The following STXBP5L variants were observed in gnomAD, a reference collection of about 807,000 sequenced individuals.
The protein encoded by STXBP5L is syntaxin binding protein 5L.
In STXBP5L, 65 loss-of-function variants were observed where a neutral mutation model predicts 144.5. The ratio of observed to expected loss-of-function variants is 0.45; its 90% CI spans 0.37 to 0.55. The LOEUF (loss-of-function observed/expected upper bound fraction) is 0.55, where lower values mean the gene tolerates loss of function less well. Ranked by LOEUF, STXBP5L falls within the 20% of genes least tolerant of loss-of-function variation. The pLI is 0.00. For synonymous variants in STXBP5L, 505 were observed against 469.6 expected (o/e 1.08, Z -0.97); for missense variants, 1,298 against 1,405.5 (o/e 0.92, Z 1.22).
At position 120,961,779 on chromosome 3, in the gene STXBP5L, G is replaced by T. The variant is rs541288803; in HGVS notation, c.287+6742G>T. Reference sequence around the variant, plus strand: ...AGTAGTATGATTGATAATCCTTTGGGTCTATACCCAGTAATGGGATGGCTG... The same window carrying T: ...AGTAGTATGATTGATAATCCTTTGGTTCTATACCCAGTAATGGGATGGCTG... On this transcript the variant is annotated intron_variant, in intron 3 of 26. Transcript: ENST00000471454. Among the ~76,000 whole-genome samples, 42 of 152,224 alleles carry T rather than the reference G, an allele frequency of 2.8e-4. No individual in the cohort carries two copies. In the South Asian group the frequency reaches 8.1e-3, roughly 29 times the overall value.
At chr3:121,372,580 G>A (rs554268620) in intron 20 of STXBP5L, among the ~76,000 whole-genome samples, 1 of 152,166 alleles carries the variant, frequency 6.6e-6, no homozygotes, top group Admixed American at 6.5e-5. Flanking sequence ...TTTTGCAGGA[G>A]TCATTGGGGT....
chr3:121,167,344 C>G (rs1452588395), intron 9 of STXBP5L, among the ~76,000 whole-genome samples: 1 of 152,078 alleles, frequency 6.6e-6, no homozygotes, highest in Non-Finnish European at 1.5e-5. Context: ...GGAATCCATC[C>G]TCATATAAAG....
intron 5 of STXBP5L, among the ~76,000 whole-genome samples, chr3:121,087,477 A>G (rs568188877): frequency 1.3e-5 from 2 of 152,138 alleles, no homozygotes; most frequent in East Asian, 3.9e-4. Context: ...TTCATTATCT[A>G]ACATAATATA....
At chr3:121,028,774 G>T (rs1946150761) in intron 3 of STXBP5L, among the ~76,000 whole-genome samples, 2 of 151,928 alleles carry the variant, frequency 1.3e-5, no homozygotes, top group Admixed American at 1.3e-4. Context: ...CTGTTACTTT[G>T]CTTCCTTCAC....
chr3:121,190,941 G>A (rs541494061), intron 9 of STXBP5L, among the ~76,000 whole-genome samples: 5 of 151,706 alleles, frequency 3.3e-5, no homozygotes, highest in African/African-American at 4.8e-5. Context: ...TATCTCAGAC[G>A]GGGCGGCGGG....
chr3:121,251,097 T>G (rs992303218), intron 15 of STXBP5L, among the ~76,000 whole-genome samples: 2 of 152,232 alleles, frequency 1.3e-5, no homozygotes, highest in African/African-American at 4.8e-5. Flanking sequence ...CTGTGTGGTC[T>G]TCGCCAAGTG....
rs529419453 is a variant in STXBP5L, at chr3:120,944,656, G to T, written c.190-10284G>T. 2.6e-5 allele frequency among the ~76,000 whole-genome samples: 4 copies of T among 151,786 alleles called. 1 individual carries two copies. In the South Asian group the frequency reaches 8.3e-4, roughly 31 times the overall value. On this transcript the variant is annotated intron_variant, in intron 2 of 26. Transcript: ENST00000471454. ...AATACTTCCATCGCCAATGACCAGT[G>T]GTTGTTTACGTGAGCAGGTAATTTG...
chr3:121,165,178 G>A (rs932808881), intron 9 of STXBP5L, among the ~76,000 whole-genome samples: 1 of 152,122 alleles, frequency 6.6e-6, no homozygotes, highest in Non-Finnish European at 1.5e-5. Flanking sequence ...AAAATGAAGT[G>A]TTTCGGCTGT....
chr3:121,266,481 T>C (rs556672953), intron 18 of STXBP5L, among the ~76,000 whole-genome samples: 4 of 152,178 alleles, frequency 2.6e-5, no homozygotes, highest in Non-Finnish European at 5.9e-5. Context: ...TATCTCAAAA[T>C]AATAAGAGCT....
At chr3:121,398,148 G>A (rs1391929106) in intron 22 of STXBP5L, among the ~76,000 whole-genome samples, 13 of 152,146 alleles carry the variant, frequency 8.5e-5, no homozygotes. Flanking sequence ...TGCCTTCCAG[G>A]GAACAGAAGT....
At position 121,069,851 on chromosome 3, in the gene STXBP5L, A is replaced by AT. The variant is rs1483958133; in HGVS notation, c.470+24322dup. On this transcript the variant is annotated intron_variant, in intron 5 of 26. Coordinates refer to ENST00000471454, the MANE Select transcript of STXBP5L (RefSeq NM_001308330.2). The stretch of plus-strand genomic sequence containing the variant: ...GCTCCAGCAGTATTTGTTGAAGACG[A>AT]TTTTTTCATTAAATAATTGCTCTTG... Among the ~76,000 whole-genome samples the AT allele has an allele frequency of 5.9e-5, 9 of 152,046 alleles. No individual in the cohort carries two copies. The South Asian group carries it at 1.0e-3, about 18-fold the overall frequency.
At chr3:120,953,108 A>G (rs1711377536) in intron 2 of STXBP5L, among the ~76,000 whole-genome samples, 2 of 151,134 alleles carry the variant, frequency 1.3e-5, no homozygotes, top group Admixed American at 6.6e-5. Context: ...CCCATTTTCC[A>G]TATAGTTTCT....
At chr3:121,204,098 G>A (rs1035025683) in intron 9 of STXBP5L, among the ~76,000 whole-genome samples, 1 of 152,070 alleles carries the variant, frequency 6.6e-6, no homozygotes, top group African/African-American at 2.4e-5. Flanking sequence ...AATTAGCCGG[G>A]CATGGTGGCA....
chr3:121,066,801 T>C (rs2107648323), intron 5 of STXBP5L, among the ~76,000 whole-genome samples: 1 of 152,270 alleles, frequency 6.6e-6, no homozygotes, highest in South Asian at 2.1e-4. Flanking sequence ...GTGTTCCCTC[T>C]TAAAATTTGG....
At position 121,386,841 on chromosome 3, in the gene STXBP5L, T is replaced by C. The variant is rs560141379; in HGVS notation, c.2587+5309T>C. 3.1e-4 allele frequency among the ~76,000 whole-genome samples: 47 copies of C among 152,312 alleles called. 1 individual carries two copies. Among genetic ancestry groups the C allele is most frequent in the African/African-American group, 1.1e-3 (45 of 41,564 alleles). On this transcript the variant is annotated intron_variant, in intron 22 of 26. Transcript: ENST00000471454. ...TGGGTTGGTTCCAAGTCTTTGCTAT[T>C]GTGAATAGTGCTGCAATAAACATAC...
intron 19 of STXBP5L, among the ~76,000 whole-genome samples, chr3:121,289,147 T>C (rs1164439427): frequency 2.0e-5 from 3 of 152,008 alleles, no homozygotes; most frequent in African/African-American, 7.3e-5. Flanking sequence ...AAACTTAAGG[T>C]AAAGGAGTAG....
intron 20 of STXBP5L, among the ~76,000 whole-genome samples, chr3:121,358,138 G>T (rs2045588683): frequency 6.6e-6 from 1 of 151,954 alleles, no homozygotes; most frequent in Non-Finnish European, 1.5e-5. Context: ...CATTCTTTAA[G>T]TTGTTTTAAA....
At chr3:120,992,623 G>C (rs578250869) in intron 3 of STXBP5L, among the ~76,000 whole-genome samples, 4 of 152,152 alleles carry the variant, frequency 2.6e-5, no homozygotes, top group African/African-American at 9.6e-5. Flanking sequence ...TGCTGCAAAT[G>C]ACAGGATTTT....
At chr3:121,012,373 TATG>T (rs1351744292) in intron 3 of STXBP5L, among the ~76,000 whole-genome samples, 2 of 151,860 alleles carry the variant, frequency 1.3e-5, no homozygotes, top group Non-Finnish European at 2.9e-5. Flanking sequence ...TGTTTTACAT[TATG>T]AGGAGCTGCT....
Sources: allele counts gnomAD v4.1 joint callset (sites outside exome capture counted in the v4.1 genomes callset), GRCh38; gene constraint gnomAD v4.1.1; transcripts MANE v1.5; gene names NCBI Gene and HGNC (gene_info 2026-07-23, HGNC 2026-07-21).